ARHGEF28: variants seen among roughly 807,000 people sequenced by gnomAD.
ARHGEF28 encodes Rho guanine nucleotide exchange factor 28, also known as 190 kDa guanine nucleotide exchange factor.
In ARHGEF28, 152 loss-of-function variants were observed where a neutral mutation model predicts 206.6. The ratio of observed to expected loss-of-function variants is 0.74; its 90% CI spans 0.64 to 0.84. The LOEUF (loss-of-function observed/expected upper bound fraction) is 0.84. Among genes scored for constraint, ARHGEF28 ranks in the 40% least tolerant of loss-of-function variants. ARHGEF28 has a pLI of 0.00. For missense variants in ARHGEF28, 2,028 were observed against 2,073.2 expected (o/e 0.98, Z 0.42); for synonymous variants, 763 against 776.4 (o/e 0.98, Z 0.29).
At chr5:73,716,361 C>T (rs1749579700) in intron 2 of ARHGEF28, among the ~76,000 whole-genome samples, 1 of 152,188 alleles carries the variant, frequency 6.6e-6, no homozygotes, top group Non-Finnish European at 1.5e-5. Flanking sequence ...ATATTTGTTT[C>T]TATTAACAGT....
intron 2 of ARHGEF28, among the ~76,000 whole-genome samples, chr5:73,722,157 G>T (rs549627066): frequency 1.3e-5 from 2 of 152,334 alleles, no homozygotes; most frequent in African/African-American, 4.8e-5. Flanking sequence ...CTATTTAATA[G>T]GCTAAGCAAA....
At chr5:73,764,879 C>T (rs1293232719) in intron 4 of ARHGEF28, among the ~76,000 whole-genome samples, 1 of 152,180 alleles carries the variant, frequency 6.6e-6, no homozygotes, top group Non-Finnish European at 1.5e-5. Flanking sequence ...ATGGAAGATG[C>T]TCTAAGGCAC....
intron 22 of ARHGEF28, among the ~76,000 whole-genome samples, chr5:73,877,721 G>T (rs1041282867): frequency 1.3e-5 from 2 of 151,162 alleles, no homozygotes; most frequent in African/African-American, 2.4e-5. Context: ...TTTCCATGTA[G>T]TTGAGTGGTT....
rs1753400526 is a variant in ARHGEF28, at chr5:73,774,043, G to A, written c.659+5G>A. 3 of 1,577,768 alleles carry A rather than the reference G, an allele frequency of 1.9e-6. No individual in the cohort carries two copies. Among genetic ancestry groups the A allele is most frequent in the Non-Finnish European group, 2.6e-6 (3 of 1,160,896 alleles). On this transcript the variant is annotated splice_donor_5th_base_variant and intron_variant, in intron 5 of 35. Transcript: ENST00000513042. ...GCTGGTGGAAGACGTCACAAAGTGA[G>A]TTTAGCTACTTGATAGTCTCTCTCT... is the stretch of plus-strand genomic sequence containing the variant.
intron 9 of ARHGEF28, among the ~76,000 whole-genome samples, chr5:73,818,048 C>T (rs184949900): frequency 2.5e-4 from 38 of 152,184 alleles, no homozygotes; most frequent in Admixed American, 2.2e-3. Flanking sequence ...GCACAGACAT[C>T]TGGAGCACAG....
chr5:73,868,732 G>C (rs1041681964), intron 20 of ARHGEF28, among the ~76,000 whole-genome samples: 2 of 151,668 alleles, frequency 1.3e-5, no homozygotes, highest in Non-Finnish European at 2.9e-5. Flanking sequence ...TTGCAACCTC[G>C]AGCTCCCAGG....
intron 2 of ARHGEF28, among the ~76,000 whole-genome samples, chr5:73,694,908 G>A (rs1748092704): frequency 6.6e-6 from 1 of 152,262 alleles, no homozygotes; most frequent in Admixed American, 6.5e-5. Context: ...TTGGGAGTAG[G>A]AGACAGAAAG....
chr5:73,800,223 G>GT (rs1389803619), intron 9 of ARHGEF28, among the ~76,000 whole-genome samples: 1 of 152,074 alleles, frequency 6.6e-6, no homozygotes, highest in Non-Finnish European at 1.5e-5. Context: ...TTCGTGTCCT[G>GT]TGTTATTCAT....
chr5:73,770,629 ACT>A (rs1561391791), intron 4 of ARHGEF28, among the ~76,000 whole-genome samples: 1 of 151,922 alleles, frequency 6.6e-6, no homozygotes, highest in African/African-American at 2.4e-5. Context: ...GAAATCTGAA[ACT>A]CTATAACAGG....
intron 2 of ARHGEF28, among the ~76,000 whole-genome samples, chr5:73,714,261 A>G (rs1246947190): frequency 1.3e-5 from 2 of 152,234 alleles, no homozygotes; most frequent in African/African-American, 4.8e-5. Context: ...CAGGATATAA[A>G]GAACAAAGAA....
intron 13 of ARHGEF28, among the ~76,000 whole-genome samples, chr5:73,849,718 G>C (rs1758583063): frequency 1.3e-5 from 2 of 151,830 alleles, no homozygotes; most frequent in Non-Finnish European, 2.9e-5. Flanking sequence ...TCTATAAATG[G>C]AAAAATTATG....
intron 2 of ARHGEF28, among the ~76,000 whole-genome samples, chr5:73,706,926 C>G (rs1422664781): frequency 3.9e-5 from 6 of 152,204 alleles, no homozygotes; most frequent in African/African-American, 2.4e-5. Context: ...CCTTAACTTG[C>G]AGGGCTGTTT....
chr5:73,649,287 A>G (rs1744643822), intron 1 of ARHGEF28, among the ~76,000 whole-genome samples: 1 of 152,124 alleles, frequency 6.6e-6, no homozygotes, highest in Admixed American at 6.5e-5. Context: ...AGTAGGAAAG[A>G]GGTGGGGAGT....
chr5:73,705,092 T>G (rs192588035), intron 2 of ARHGEF28, among the ~76,000 whole-genome samples: 48 of 152,302 alleles, frequency 3.2e-4, no homozygotes, highest in African/African-American at 1.1e-3. Context: ...TTTAGAACTA[T>G]GATATTTCTA....
chr5:73,762,155 T>G (rs894330905), intron 4 of ARHGEF28, among the ~76,000 whole-genome samples: 1 of 151,924 alleles, frequency 6.6e-6, no homozygotes, highest in African/African-American at 2.4e-5. Flanking sequence ...CTTGCCCTCT[T>G]TAAAAAAATC....
chr5:73,931,783 C>G lies in ARHGEF28; in HGVS notation c.4949-9061C>G, dbSNP rs1034586983. ...TGTTCCTGAGTTGTGTTGTTTTCTC[C>G]AAGTTAGATTTGTCTCTATTTTAGA... On this transcript the variant is annotated intron_variant, in intron 35 of 35. Transcript: ENST00000513042. 3.3e-5 allele frequency among the ~76,000 whole-genome samples: 5 copies of G among 152,022 alleles called. No homozygotes were observed. The South Asian group carries it at 6.2e-4, about 19-fold the overall frequency.
chr5:73,916,440 A>T (rs1189881503), intron 35 of ARHGEF28, among the ~76,000 whole-genome samples: 1 of 152,186 alleles, frequency 6.6e-6, no homozygotes, highest in African/African-American at 2.4e-5. Context: ...TTATTTCTTC[A>T]GTTCTGGAGG....
chr5:73,633,797 G>A (rs941601521), intron 1 of ARHGEF28, among the ~76,000 whole-genome samples: 39 of 151,800 alleles, frequency 2.6e-4, no homozygotes, highest in African/African-American at 8.5e-4. Flanking sequence ...GGCTGGTCTC[G>A]AACTCCTGAT....
chr5:73,764,948 C>G (rs1271206560), intron 4 of ARHGEF28, among the ~76,000 whole-genome samples: 1 of 152,180 alleles, frequency 6.6e-6, no homozygotes, highest in African/African-American at 2.4e-5. Context: ...GTGTATGATA[C>G]CCATGCCAAA....
Sources: gnomAD v4.1 joint callset for allele counts (sites outside exome capture counted in the v4.1 genomes callset) on GRCh38, gnomAD v4.1.1 for gene constraint, MANE v1.5 for transcripts, NCBI Gene and HGNC (gene_info 2026-07-23, HGNC 2026-07-21) for gene names.